Variants in HPSE2 observed in about 807,000 individuals in gnomAD.
HPSE2 encodes the protein heparanase 2 (inactive), also known as inactive heparanase-2.
In HPSE2, 38 loss-of-function variants were observed where a neutral mutation model predicts 60.5. The ratio of observed to expected loss-of-function variants is 0.63; its 90% CI spans 0.48 to 0.82. HPSE2 has a LOEUF of 0.82. Ranked by LOEUF, HPSE2 falls within the 40% of genes least tolerant of loss-of-function variation. HPSE2 has a pLI of 0.00. For missense variants in HPSE2, 713 were observed against 740.4 expected, an observed-to-expected ratio of 0.96 and a Z score of 0.43; for synonymous variants, 295 against 293.2, an observed-to-expected ratio of 1.01 and a Z score of -0.06.
At chr10:99,043,828 T>C (rs1187371851) in intron 3 of HPSE2, among the ~76,000 whole-genome samples, 1 of 151,960 alleles carries the variant, frequency 6.6e-6, no homozygotes, top group East Asian at 1.9e-4. Context: ...GAAGAAAGAA[T>C]TTTTAAAAAT....
At position 99,118,105 on chromosome 10, in the gene HPSE2, G is replaced by A. The variant is rs539215220; in HGVS notation, c.610+26133C>T. 8.6e-5 allele frequency among the ~76,000 whole-genome samples: 13 copies of A among 151,888 alleles called. No individual in the cohort carries two copies. The East Asian group carries it at 2.5e-3, about 29-fold the overall frequency. ...TCAACATATGCAAATCAATAGATGTGATCCATCACATAAACAGAATTAAAG... is the reference window on the plus strand; with the variant it reads ...TCAACATATGCAAATCAATAGATGTAATCCATCACATAAACAGAATTAAAG... On this transcript the variant is annotated intron_variant, in intron 3 of 11. Transcript: ENST00000370552.
chr10:98,547,653 T>C lies in HPSE2; in HGVS notation c.1321-57457A>G, dbSNP rs12218497. 8.5e-5 allele frequency among the ~76,000 whole-genome samples: 9 copies of C among 105,296 alleles called. No homozygotes were observed. In the East Asian group the frequency reaches 2.5e-3, roughly 29 times the overall value. The allele number at this position is 105,296 out of a possible 152,430, so 69.1% of individuals were successfully genotyped here. On this transcript the variant is annotated intron_variant, in intron 9 of 11. Coordinates refer to ENST00000370552, the MANE Select transcript of HPSE2 (RefSeq NM_021828.5). ...GGGAACATCACACTCTGGGGACTGT[T>C]GTGGGGTGGGGGGAGGGGGGAGGGA...
At chr10:99,255,269 A>G in the HPSE2 span, among the ~76,000 whole-genome samples, 2 of 152,196 alleles carry the variant, frequency 1.3e-5, no homozygotes, top group East Asian at 1.9e-4. Context: ...AAACGTGATT[A>G]CTGGTGAATT....
At chr10:99,246,428 G>C in the HPSE2 span, among the ~76,000 whole-genome samples, 1 of 152,186 alleles carries the variant, frequency 6.6e-6, no homozygotes, top group Non-Finnish European at 1.5e-5. Context: ...AGGTGCTGTG[G>C]AGCACAATAA....
At chr10:98,610,702 G>A (rs1039731988) in intron 9 of HPSE2, among the ~76,000 whole-genome samples, 1 of 152,188 alleles carries the variant, frequency 6.6e-6, no homozygotes, top group African/African-American at 2.4e-5. Context: ...GGACTAAATT[G>A]TAGTCCCACA....
At chr10:99,271,926 T>C in the HPSE2 span, among the ~76,000 whole-genome samples, 1 of 152,214 alleles carries the variant, frequency 6.6e-6, no homozygotes, top group African/African-American at 2.4e-5. Context: ...CTGGGATAAC[T>C]GGCAAGCCAC....
At chr10:98,477,233 A>G (rs1941058068) in intron 11 of HPSE2, among the ~76,000 whole-genome samples, 1 of 152,222 alleles carries the variant, frequency 6.6e-6, no homozygotes, top group African/African-American at 2.4e-5. Context: ...GATAATGGCT[A>G]TTAAAGTTTT....
chr10:99,217,473 G>A (rs142503253), intron 2 of HPSE2, among the ~76,000 whole-genome samples: 1 of 152,024 alleles, frequency 6.6e-6, no homozygotes, highest in African/African-American at 2.4e-5. Flanking sequence ...CTCACTCAGA[G>A]ATTCTTATGC....
At chr10:99,039,190 T>A (rs1232772317) in intron 3 of HPSE2, among the ~76,000 whole-genome samples, 1 of 152,138 alleles carries the variant, frequency 6.6e-6, no homozygotes, top group Non-Finnish European at 1.5e-5. Context: ...GAAGCAGAAA[T>A]CTGAAGAGGT....
intron 3 of HPSE2, among the ~76,000 whole-genome samples, chr10:98,836,439 T>G (rs1951792004): frequency 6.6e-6 from 1 of 152,208 alleles, no homozygotes. Flanking sequence ...CATTTACATA[T>G]CTGCCTCCTT....
At chr10:99,252,769 C>T in the HPSE2 span, among the ~76,000 whole-genome samples, 166 of 151,354 alleles carry the variant, frequency 1.1e-3, 2 homozygotes, top group Middle Eastern at 0.01. Context: ...CCCAGCTACT[C>T]GAGAGGCTGA....
intron 2 of HPSE2, among the ~76,000 whole-genome samples, chr10:99,199,780 A>AT (rs1297749585): frequency 2.6e-5 from 4 of 152,114 alleles, no homozygotes; most frequent in Admixed American, 6.5e-5. Flanking sequence ...TTCCAAATGG[A>AT]TTTTTTGAAT....
chr10:98,746,833 A>G (rs751321597), intron 3 of HPSE2, among the ~76,000 whole-genome samples: 3 of 152,006 alleles, frequency 2.0e-5, no homozygotes, highest in Admixed American at 6.5e-5. Context: ...TCTTTTATCT[A>G]TACCATTAGA....
chr10:98,872,299 CCCTT>C (rs1272587290), intron 3 of HPSE2, among the ~76,000 whole-genome samples: 2 of 152,026 alleles, frequency 1.3e-5, no homozygotes, highest in Non-Finnish European at 2.9e-5. Context: ...ATGAATGTCT[CCCTT>C]CCTTCCTGTG....
At chr10:99,164,694 G>A (rs1157728063) in intron 2 of HPSE2, among the ~76,000 whole-genome samples, 1 of 152,164 alleles carries the variant, frequency 6.6e-6, no homozygotes, top group Non-Finnish European at 1.5e-5. Flanking sequence ...AAAAGGAAAA[G>A]AAGGACACTC....
At chr10:98,821,396 T>G (rs977290878) in intron 3 of HPSE2, among the ~76,000 whole-genome samples, 4 of 152,224 alleles carry the variant, frequency 2.6e-5, no homozygotes, top group Admixed American at 2.6e-4. Context: ...ATGCTAAGTA[T>G]TTGTATATTT....
the HPSE2 span, among the ~76,000 whole-genome samples, chr10:99,305,979 GCACACACACA>G: frequency 5.0e-5 from 4 of 80,580 alleles, no homozygotes; most frequent in Non-Finnish European, 9.5e-5. Flanking sequence ...GCGCGCGCGC[GCACACACACA>G]CACACACACA....
intron 5 of HPSE2, among the ~76,000 whole-genome samples, chr10:98,700,521 G>T (rs1948376435): frequency 7.0e-6 from 1 of 142,640 alleles, no homozygotes; most frequent in Non-Finnish European, 1.5e-5. Context: ...TTAAACATTA[G>T]ACCTAAAACC....
At chr10:98,836,523 C>T (rs1177560358) in intron 3 of HPSE2, among the ~76,000 whole-genome samples, 1 of 147,532 alleles carries the variant, frequency 6.8e-6, no homozygotes, top group Non-Finnish European at 1.5e-5. Flanking sequence ...AAAGTAACTT[C>T]TGATAAAAAA....
Sources: allele counts gnomAD v4.1 joint callset (sites outside exome capture counted in the v4.1 genomes callset), GRCh38; gene constraint gnomAD v4.1.1; transcripts MANE v1.5; gene names NCBI Gene and HGNC (gene_info 2026-07-23, HGNC 2026-07-21).